TNS3: variants seen among roughly 807,000 people sequenced by gnomAD.
TNS3 encodes the protein tensin-3.
TNS3 carries 45 observed loss-of-function variants against 140.9 expected under a neutral mutation model. The observed-to-expected ratio is 0.32, with a 90% confidence interval of 0.25 to 0.41. TNS3 has a LOEUF of 0.41. Among genes scored for constraint, TNS3 ranks in the 10% least tolerant of loss-of-function variants. The pLI is 1.00. For missense variants in TNS3, 1,716 were observed against 1,906.7 expected (o/e 0.90, Z 1.86); for synonymous variants, 815 against 788.4 (o/e 1.03, Z -0.56).
At chr7:47,570,010 C>T (rs1478237988) in intron 1 of TNS3, among the ~76,000 whole-genome samples, 1 of 151,938 alleles carries the variant, frequency 6.6e-6, no homozygotes, top group Non-Finnish European at 1.5e-5. Context: ...ATTAGCCAGG[C>T]GTGGTGGCAG....
At chr7:47,525,790 A>G (rs141145466) in intron 2 of TNS3, among the ~76,000 whole-genome samples, 3 of 152,362 alleles carry the variant, frequency 2.0e-5, no homozygotes, top group African/African-American at 7.2e-5. Context: ...ATAGCCATGC[A>G]TATGTGCACC....
At chr7:47,479,556 G>A (rs1334426460) in intron 4 of TNS3, among the ~76,000 whole-genome samples, 1 of 147,842 alleles carries the variant, frequency 6.8e-6, no homozygotes, top group Non-Finnish European at 1.5e-5. Flanking sequence ...TGGGGACACA[G>A]CTGAGGCCAG....
chr7:47,435,844 C>T (rs944601060), intron 7 of TNS3, among the ~76,000 whole-genome samples: 1 of 152,196 alleles, frequency 6.6e-6, no homozygotes, highest in African/African-American at 2.4e-5. Context: ...AGACAATCTC[C>T]TGGAAAGGCA....
chr7:47,388,270 G>A (rs760255306), intron 16 of TNS3, among the ~76,000 whole-genome samples: 9 of 152,120 alleles, frequency 5.9e-5, no homozygotes, highest in Non-Finnish European at 1.2e-4. Context: ...TGCTGCTCAC[G>A]CTAGGTGTGA....
At chr7:47,447,072 A>C (rs1795781668) in intron 4 of TNS3, among the ~76,000 whole-genome samples, 1 of 80,868 alleles carries the variant, frequency 1.2e-5, no homozygotes. Context: ...GGGCTCAATG[A>C]GGTCAATGAG....
intron 13 of TNS3, among the ~76,000 whole-genome samples, 163 bp downstream of exon 13, chr7:47,411,564 G>A (rs537089547): frequency 5.9e-5 from 9 of 152,334 alleles, no homozygotes; most frequent in South Asian, 2.1e-4. Flanking sequence ...CGGCCCAGGC[G>A]TGGGGGACCC....
chr7:47,323,873 T>C (rs1425323634), intron 20 of TNS3, among the ~76,000 whole-genome samples: 1 of 152,102 alleles, frequency 6.6e-6, no homozygotes, highest in Non-Finnish European at 1.5e-5. Context: ...CCCTAAATGA[T>C]AAATAAATCC....
intron 7 of TNS3, among the ~76,000 whole-genome samples, chr7:47,435,873 C>T (rs1795154679): frequency 6.6e-6 from 1 of 152,186 alleles, no homozygotes; most frequent in Non-Finnish European, 1.5e-5. Flanking sequence ...GGAGGAAGCA[C>T]CTTCAAAACT....
chr7:47,556,735 C>T (rs553304240), intron 1 of TNS3, among the ~76,000 whole-genome samples: 1 of 152,332 alleles, frequency 6.6e-6, no homozygotes, highest in South Asian at 2.1e-4. Context: ...CTGAGATCTT[C>T]AGGGGCTGCA....
intron 3 of TNS3, among the ~76,000 whole-genome samples, chr7:47,488,653 G>C (rs1797698367): frequency 6.6e-6 from 1 of 152,200 alleles, no homozygotes; most frequent in Non-Finnish European, 1.5e-5. Context: ...CTGGGGTCCT[G>C]GGGATTTGGA....
chr7:47,483,420 C>T (rs1048793388), intron 3 of TNS3, among the ~76,000 whole-genome samples: 17 of 152,170 alleles, frequency 1.1e-4, no homozygotes, highest in Admixed American at 2.0e-4. Flanking sequence ...CCACCCACCT[C>T]GGCCTCCCAA....
intron 1 of TNS3, 52 bp from the exon 2 acceptor site, chr7:47,529,199 T>C: frequency 2.0e-6 from 2 of 1,010,564 alleles, no homozygotes; most frequent in Non-Finnish European, 2.6e-6. Context: ...AGTTTGTTTC[T>C]TTTTCCTTTT....
intron 2 of TNS3, among the ~76,000 whole-genome samples, chr7:47,516,348 C>T (rs1798778024): frequency 6.6e-6 from 1 of 152,196 alleles, no homozygotes; most frequent in African/African-American, 2.4e-5. Flanking sequence ...AGGCTCCCAT[C>T]TACACTTGCA....
intron 1 of TNS3, among the ~76,000 whole-genome samples, chr7:47,532,381 G>A (rs920315506): frequency 2.0e-5 from 3 of 152,142 alleles, no homozygotes; most frequent in African/African-American, 7.2e-5. Flanking sequence ...CCCCTCCAAG[G>A]GCTTTTCCAT....
At position 47,396,257 on chromosome 7, in the gene TNS3, T is replaced by C. The variant is rs1792821390; in HGVS notation, c.1024+543A>G. Among the ~76,000 whole-genome samples, 4 of 152,158 alleles carry C rather than the reference T, an allele frequency of 2.6e-5. No homozygotes were observed. The South Asian group carries it at 8.3e-4, about 31-fold the overall frequency. On this transcript the variant is annotated intron_variant, in intron 16 of 30. Transcript: ENST00000311160. ...TCCTTCCTTTCCTCCTTCACGCTCC[T>C]AGCTATGACCCAATGTGCATATTAC...
intron 13 of TNS3, among the ~76,000 whole-genome samples, chr7:47,404,791 G>A (rs1025391700): frequency 2.0e-5 from 3 of 152,134 alleles, no homozygotes; most frequent in South Asian, 2.1e-4. Context: ...GGCTGAGGCA[G>A]GAGAATGGCA....
chr7:47,415,992 T>C (rs76644684), intron 10 of TNS3, among the ~76,000 whole-genome samples: 3,849 of 152,350 alleles, frequency 0.025, 74 homozygotes, highest in East Asian at 0.077. Flanking sequence ...TCTCTGACGC[T>C]TCCCTGGCCT....
At chr7:47,346,674 G>A (rs1353743657) in intron 17 of TNS3, among the ~76,000 whole-genome samples, 3 of 152,178 alleles carry the variant, frequency 2.0e-5, no homozygotes, top group Admixed American at 6.5e-5. Context: ...GACAGTGCCC[G>A]GATGGAATGC....
intron 10 of TNS3, among the ~76,000 whole-genome samples, chr7:47,421,395 G>A (rs1166574569): frequency 3.3e-5 from 5 of 151,788 alleles, no homozygotes; most frequent in Admixed American, 6.6e-5. Context: ...AGCTTCCAGA[G>A]TAGCTGGGAC....
Sources: allele counts gnomAD v4.1 joint callset (sites outside exome capture counted in the v4.1 genomes callset), GRCh38; gene constraint gnomAD v4.1.1; transcripts MANE v1.5; gene names NCBI Gene and HGNC (gene_info 2026-07-23, HGNC 2026-07-21).